The following TEX2 variants were observed in gnomAD, a reference collection of about 807,000 sequenced individuals.
TEX2 encodes the protein testis-expressed protein 2.
TEX2 carries 53 observed loss-of-function variants against 106.9 expected under a neutral mutation model. That is an observed-to-expected ratio of 0.50 (90% CI 0.40 to 0.62). TEX2 has a LOEUF of 0.62. TEX2 is among the 20% of genes least tolerant of loss of function. The probability of loss-of-function intolerance (pLI) is 0.00; values close to 1 mark genes in which losing one functional copy is unlikely to be tolerated. For missense variants in TEX2, 1,207 were observed against 1,379.0 expected (o/e 0.88, Z 1.98); for synonymous variants, 523 against 534.8 (o/e 0.98, Z 0.30).
intron 1 of TEX2, among the ~76,000 whole-genome samples, chr17:64,214,921 T>C (rs2033139527): frequency 6.6e-6 from 1 of 152,248 alleles, no homozygotes; most frequent in Non-Finnish European, 1.5e-5. Context: ...GGCCACGTTC[T>C]GAGGCATCAG....
chr17:64,240,726 C>A (rs897039521), intron 1 of TEX2, among the ~76,000 whole-genome samples: 10 of 152,242 alleles, frequency 6.6e-5, no homozygotes, highest in African/African-American at 2.4e-4. Flanking sequence ...CTTCCTTGAT[C>A]GGTTTAGAGT....
intron 7 of TEX2, among the ~76,000 whole-genome samples, chr17:64,166,122 T>C (rs1406166819): frequency 6.6e-6 from 1 of 152,172 alleles, no homozygotes; most frequent in Non-Finnish European, 1.5e-5. Context: ...GCACAGAAGA[T>C]AAAAACCTGC....
chr17:64,250,893 T>C (rs1391620186), intron 1 of TEX2, among the ~76,000 whole-genome samples: 2 of 152,170 alleles, frequency 1.3e-5, no homozygotes, highest in African/African-American at 4.8e-5. Context: ...GGTTTCACCA[T>C]GTTGCCCAGG....
chr17:64,193,642 T>C lies in TEX2; in HGVS notation c.2093A>G (p.Glu698Gly). The C allele has an allele frequency of 6.4e-7, 1 of 1,559,456 alleles. No individual in the cohort carries two copies. Among genetic ancestry groups the C allele is most frequent in the Non-Finnish European group, 8.7e-7 (1 of 1,151,572 alleles). Residue 698 changes from glutamate to glycine, a missense_variant, in exon 4 of 12, where the codon GAG (glutamate) becomes GGG (glycine). By Grantham distance (98) the Glu-to-Gly change is moderately conservative. Around this residue, in one of 3 missense-constraint regions of TEX2, gnomAD observed 1,067 missense variants for 1,193.6 expected, o/e 0.89. Coordinates refer to ENST00000584379, the MANE Select transcript of TEX2 (RefSeq NM_001288732.2). ...CAGAATAAATCTCCTAAACCATTCC[T>C]CTTTTTCTCGGCCAGTTCTCCCAAA... ...YLFGRTGREK[E>G]EWFRRFILAS...
Position 64,153,019 on chromosome 17 carries a change from C to T in TEX2, c.3066G>A (p.Leu1022=). 6.2e-7 allele frequency: 1 copy of T among 1,614,180 alleles called. No individual in the cohort carries two copies. Among genetic ancestry groups the T allele is most frequent in the African/African-American group, 1.3e-5 (1 of 75,034 alleles). Residue 1022 remains leucine (L), a synonymous_variant, in exon 10 of 12, where the codon CTG becomes CTA. Coordinates refer to ENST00000584379, the MANE Select transcript of TEX2 (RefSeq NM_001288732.2). The surrounding 1 kb of genome is among the most constrained non-coding windows in gnomAD (Gnocchi z 4.1). Reference sequence around the variant, plus strand: ...TACATTCTTGTACTTCAACAGTGAGCAGCAGGGGTGTGTTGGAGACTTCTT... The same window carrying T: ...TACATTCTTGTACTTCAACAGTGAGTAGCAGGGGTGTGTTGGAGACTTCTT... ...KIEEVSNTPL[L]LTVEVQECRG...
rs1001197712 is a variant in TEX2, at chr17:64,195,275, T to C, written c.1645-180A>G. Among the ~76,000 whole-genome samples, 15 of 152,154 alleles carry C rather than the reference T, an allele frequency of 9.9e-5. No homozygotes were observed. Among genetic ancestry groups the C allele is most frequent in the African/African-American group, 3.6e-4 (15 of 41,432 alleles). ...GCTTAGCTGGGAGGATAACTGGAAC[T>C]GAGGAGGTTTTTGATAACCAAAAAT... On this transcript the variant is annotated intron_variant, in intron 2 of 11. Coordinates refer to ENST00000584379, the MANE Select transcript of TEX2 (RefSeq NM_001288732.2). The surrounding 1 kb of genome is among the most constrained non-coding windows in gnomAD (Gnocchi z 4.1).
chr17:64,250,598 T>G (rs1020851669), intron 1 of TEX2, among the ~76,000 whole-genome samples: 8 of 152,234 alleles, frequency 5.3e-5, no homozygotes, highest in African/African-American at 1.9e-4. Flanking sequence ...AGGCCTACTT[T>G]AAAATCTGTC....
chr17:64,188,497 C>A, intron 4 of TEX2, 82 bp from the exon 5 acceptor site: 1 of 1,585,452 alleles, frequency 6.3e-7, no homozygotes. Context: ...AAAGCAGCTA[C>A]AATGCTATCA....
rs751559038 is a variant in TEX2, at chr17:64,171,113, G to A, written c.2658C>T (p.Tyr886=). 32 of 1,613,954 alleles carry A rather than the reference G, an allele frequency of 2.0e-5. No homozygotes were observed. The East Asian group carries it at 4.9e-4, about 25-fold the overall frequency. ...VPKILQAFKP[Y]VDHQGLWIDL... is the part of the protein sequence containing the mutation. The stretch of plus-strand genomic sequence containing the variant: ...GTTAGGAGTTACCTTGGTGATCAAC[G>A]TAAGGCTTGAAGGCCTGGAGGATTT... The change falls in exon 7 of 12, where the codon TAC becomes TAT. Residue 886 remains tyrosine (Y), a synonymous_variant. Coordinates refer to ENST00000584379, the MANE Select transcript of TEX2 (RefSeq NM_001288732.2).
intron 6 of TEX2, among the ~76,000 whole-genome samples, chr17:64,174,194 G>A (rs1170046172): frequency 2.0e-5 from 3 of 152,198 alleles, no homozygotes; most frequent in Non-Finnish European, 4.4e-5. Context: ...AGCCACAGGA[G>A]TGAATAAAGA....
At chr17:64,220,590 A>C (rs111668970) in intron 1 of TEX2, among the ~76,000 whole-genome samples, 8 of 152,096 alleles carry the variant, frequency 5.3e-5, no homozygotes, top group South Asian at 2.1e-4. Flanking sequence ...CAGCAAAAAA[A>C]ATATGAAAAA....
Position 64,195,198 on chromosome 17 carries a change from G to T in TEX2, c.1645-103C>A. The T allele has an allele frequency of 9.8e-7, 1 of 1,020,618 alleles. No homozygotes were observed. Among genetic ancestry groups the T allele is most frequent in the Middle Eastern group, 3.0e-4 (1 of 3,334 alleles). 63.2% of individuals were successfully genotyped at this position (1,020,618 alleles called of 1,614,324 possible). On this transcript the variant is annotated intron_variant, in intron 2 of 11. Transcript: ENST00000584379. This position sits in a 1 kb window ranked among gnomAD's most constrained non-coding sequence, Gnocchi z 4.1. ...TATTTGGGACACTGAAACCAAACTT[G>T]ATCACGACACAGATATCAGCTCACC... is the stretch of plus-strand genomic sequence containing the variant.
chr17:64,217,579 G>A lies in TEX2; in HGVS notation c.-25-3337C>T, dbSNP rs1413546880. 2.0e-5 allele frequency among the ~76,000 whole-genome samples: 3 copies of A among 152,164 alleles called. No individual in the cohort carries two copies. Among genetic ancestry groups the A allele is most frequent in the African/African-American group, 7.2e-5 (3 of 41,442 alleles). On this transcript the variant is annotated intron_variant, in intron 1 of 11. Coordinates refer to ENST00000584379, the MANE Select transcript of TEX2 (RefSeq NM_001288732.2). This position sits in a 1 kb window ranked among gnomAD's most constrained non-coding sequence, Gnocchi z 4.3. ...CCTCAGTTCTCAACCAGCAGCATGTGACTGGCCGCACTGAGAAATGAAAGG... is the reference window on the plus strand; with the variant it reads ...CCTCAGTTCTCAACCAGCAGCATGTAACTGGCCGCACTGAGAAATGAAAGG...
chr17:64,225,325 G>A (rs945552073), intron 1 of TEX2, among the ~76,000 whole-genome samples: 1 of 152,018 alleles, frequency 6.6e-6, no homozygotes, highest in East Asian at 1.9e-4. Flanking sequence ...TGGATATGAA[G>A]CAACAGCACA....
chr17:64,189,716 T>C (rs1303029824), intron 4 of TEX2, among the ~76,000 whole-genome samples: 1 of 152,076 alleles, frequency 6.6e-6, no homozygotes, highest in African/African-American at 2.4e-5. Context: ...GCGCGGTGGC[T>C]CACGCCTATA....
chr17:64,259,658 T>C (rs114508780), intron 1 of TEX2, among the ~76,000 whole-genome samples: 352 of 152,300 alleles, frequency 2.3e-3, no homozygotes, highest in African/African-American at 8.4e-3. Context: ...GAGTGGCAAA[T>C]CTTACGAGAT....
chr17:64,178,727 A>T (rs772733975), intron 5 of TEX2, among the ~76,000 whole-genome samples: 2 of 152,218 alleles, frequency 1.3e-5, no homozygotes, highest in African/African-American at 4.8e-5. Flanking sequence ...CCCTCCCTCT[A>T]TGGCTACTAT....
At chr17:64,234,897 TTTTTC>T (rs2033734456) in intron 1 of TEX2, among the ~76,000 whole-genome samples, 1 of 152,226 alleles carries the variant, frequency 6.6e-6, no homozygotes, top group Non-Finnish European at 1.5e-5. Context: ...AGGTATTTTT[TTTTTC>T]CTCCAAAAAC....
chr17:64,225,380 C>T (rs782166886), intron 1 of TEX2, among the ~76,000 whole-genome samples: 3 of 152,026 alleles, frequency 2.0e-5, no homozygotes, highest in Non-Finnish European at 4.4e-5. Flanking sequence ...ACAAGAGGGA[C>T]GTTAACTGCT....
Sources: allele counts gnomAD v4.1 joint callset (sites outside exome capture counted in the v4.1 genomes callset), GRCh38; gene constraint gnomAD v4.1.1; regional missense constraint gnomAD v4.1.1; non-coding constraint Gnocchi (gnomAD v3.1); transcripts MANE v1.5; gene names NCBI Gene and HGNC (gene_info 2026-07-23, HGNC 2026-07-21).